Variants in ZNF385D observed in about 807,000 individuals in gnomAD.
ZNF385D encodes the protein zinc finger protein 659.
A neutral mutation model predicts 35.8 loss-of-function variants in ZNF385D; 15 were observed. The ratio of observed to expected loss-of-function variants is 0.42; its 90% CI spans 0.28 to 0.64. The LOEUF (loss-of-function observed/expected upper bound fraction) is 0.64. Among genes scored for constraint, ZNF385D ranks in the 30% least tolerant of loss-of-function variants. The pLI is 0.23. For missense variants in ZNF385D, 474 were observed against 494.6 expected, an observed-to-expected ratio of 0.96 and a Z score of 0.39; for synonymous variants, 212 against 186.8, an observed-to-expected ratio of 1.13 and a Z score of -1.10.
chr3:22,009,830 T>A (rs1254151729), intron 3 of ZNF385D, among the ~76,000 whole-genome samples: 2 of 150,770 alleles, frequency 1.3e-5, no homozygotes, highest in Non-Finnish European at 3.0e-5. Flanking sequence ...GCATTTGTAA[T>A]GTTTTATTTC....
At chr3:21,702,495 G>T (rs768193345) in intron 1 of ZNF385D, among the ~76,000 whole-genome samples, 5 of 152,318 alleles carry the variant, frequency 3.3e-5, no homozygotes, top group Middle Eastern at 6.8e-3. Context: ...ACATGGCCTG[G>T]AAACATTTTC....
chr3:21,797,875 C>A (rs1163286516), intron 3 of ZNF385D, among the ~76,000 whole-genome samples: 2 of 152,104 alleles, frequency 1.3e-5, no homozygotes, highest in African/African-American at 4.8e-5. Context: ...AGGCAGAACA[C>A]AGAGATTGTT....
intron 2 of ZNF385D, among the ~76,000 whole-genome samples, chr3:21,600,424 C>T (rs879931725): frequency 1.3e-5 from 2 of 152,068 alleles, no homozygotes; most frequent in Admixed American, 6.5e-5. Context: ...TTATAGCCAC[C>T]AGAAAGGTTA....
chr3:21,786,362 A>G (rs2071690232), intron 3 of ZNF385D, among the ~76,000 whole-genome samples: 1 of 152,212 alleles, frequency 6.6e-6, no homozygotes, highest in Non-Finnish European at 1.5e-5. Flanking sequence ...AGGTTTGAGA[A>G]CACAGTACTC....
intron 1 of ZNF385D, among the ~76,000 whole-genome samples, chr3:21,717,396 T>G (rs930032979): frequency 6.6e-6 from 1 of 152,200 alleles, no homozygotes; most frequent in Admixed American, 6.6e-5. Context: ...ACATGGGGTT[T>G]TCAAATCCCT....
At chr3:21,676,819 C>G (rs2125300459) in intron 1 of ZNF385D, among the ~76,000 whole-genome samples, 1 of 151,800 alleles carries the variant, frequency 6.6e-6, no homozygotes, top group East Asian at 1.9e-4. Flanking sequence ...TATTATACCT[C>G]TCTCCTTTTC....
At chr3:21,746,334 A>G (rs2069768981) in intron 1 of ZNF385D, among the ~76,000 whole-genome samples, 1 of 152,254 alleles carries the variant, frequency 6.6e-6, no homozygotes, top group Non-Finnish European at 1.5e-5. Context: ...TTAAAATTTA[A>G]GGATGTGATA....
chr3:21,758,136 C>A (rs563308966), intron 3 of ZNF385D, among the ~76,000 whole-genome samples: 1 of 152,288 alleles, frequency 6.6e-6, no homozygotes, highest in South Asian at 2.1e-4. Context: ...AATGAGCTCC[C>A]AAACACTGTT....
chr3:21,674,895 AATGG>A (rs150113836), intron 1 of ZNF385D, among the ~76,000 whole-genome samples: 5,131 of 150,384 alleles, frequency 0.034, 193 homozygotes, highest in African/African-American at 0.09. Flanking sequence ...TTGTTTTAGA[AATGG>A]ATGGATGGAT....
chr3:21,437,558 AG>A lies in ZNF385D; in HGVS notation c.440-356del, dbSNP rs1384022598. Among the ~76,000 whole-genome samples the A allele has an allele frequency of 2.6e-5, 4 of 152,088 alleles. No homozygotes were observed. The South Asian group carries it at 8.3e-4, about 32-fold the overall frequency. On this transcript the variant is annotated intron_variant, in intron 4 of 7. Transcript: ENST00000281523. Reference sequence around the variant, plus strand: ...TACATATTTCTAAATGGCTTTTTCTAGATTTTTAAACAATTAAAATAGAAGA... The same window carrying A: ...TACATATTTCTAAATGGCTTTTTCTAATTTTTAAACAATTAAAATAGAAGA...
intron 2 of ZNF385D, among the ~76,000 whole-genome samples, chr3:22,329,747 C>T (rs1363311203): frequency 1.3e-5 from 2 of 152,070 alleles, no homozygotes; most frequent in East Asian, 1.9e-4. Context: ...TCTGCAGCCA[C>T]AGGAAGAAGT....
At chr3:21,804,493 T>C (rs1025838386) in intron 3 of ZNF385D, among the ~76,000 whole-genome samples, 6 of 152,168 alleles carry the variant, frequency 3.9e-5, no homozygotes, top group African/African-American at 1.4e-4. Context: ...GAACAAGAGA[T>C]GATTCAAAAG....
At chr3:22,278,318 C>G (rs17323599) in intron 2 of ZNF385D, among the ~76,000 whole-genome samples, 28,216 of 152,042 alleles carry the variant, frequency 0.19, 3,366 homozygotes, top group Admixed American at 0.26. Flanking sequence ...GAATACATTT[C>G]CAATCTGAAG....
intron 2 of ZNF385D, among the ~76,000 whole-genome samples, chr3:22,324,383 G>A (rs879866128): frequency 1.3e-5 from 2 of 152,044 alleles, no homozygotes; most frequent in Non-Finnish European, 2.9e-5. Context: ...TCAGCAAGGG[G>A]TCCATTTGTC....
chr3:21,874,514 C>T (rs1258624409), intron 3 of ZNF385D, among the ~76,000 whole-genome samples: 1 of 151,902 alleles, frequency 6.6e-6, no homozygotes. Context: ...AGATGTATTC[C>T]CACTTGATCA....
intron 3 of ZNF385D, among the ~76,000 whole-genome samples, chr3:22,027,787 A>T (rs949560638): frequency 6.6e-6 from 1 of 151,900 alleles, no homozygotes; most frequent in Admixed American, 6.6e-5. Context: ...CATGGTCTCC[A>T]CTCCTGCCTT....
At chr3:21,820,608 A>G (rs1193614131) in intron 3 of ZNF385D, among the ~76,000 whole-genome samples, 1 of 151,796 alleles carries the variant, frequency 6.6e-6, no homozygotes, top group African/African-American at 2.4e-5. Context: ...TAGGCATAAT[A>G]AAGATACATG....
chr3:21,997,825 C>G (rs1156857709), intron 3 of ZNF385D, among the ~76,000 whole-genome samples: 1 of 151,140 alleles, frequency 6.6e-6, no homozygotes, highest in Non-Finnish European at 1.5e-5. Flanking sequence ...GAATCTGAAT[C>G]TGGTGGGGTT....
chr3:21,960,514 G>A (rs1431133185), intron 3 of ZNF385D, among the ~76,000 whole-genome samples: 2 of 151,956 alleles, frequency 1.3e-5, no homozygotes, highest in Non-Finnish European at 2.9e-5. Flanking sequence ...AGCCATTAGG[G>A]AAAACAGTGT....
Sources: allele counts gnomAD v4.1 joint callset (sites outside exome capture counted in the v4.1 genomes callset), GRCh38; gene constraint gnomAD v4.1.1; transcripts MANE v1.5; gene names NCBI Gene and HGNC (gene_info 2026-07-23, HGNC 2026-07-21).